Variants in STOX2 observed in about 807,000 individuals in gnomAD.
STOX2 encodes the protein storkhead box 2.
In STOX2, 28 loss-of-function variants were observed where a neutral mutation model predicts 60.9. The observed-to-expected ratio is 0.46, with a 90% CI of 0.34 to 0.63. The LOEUF (loss-of-function observed/expected upper bound fraction) is 0.63. Ranked by LOEUF, STOX2 falls within the 30% of genes least tolerant of loss-of-function variation. STOX2 has a pLI of 0.01. For missense variants in STOX2, 1,024 were observed against 1,187.7 expected (o/e 0.86, Z 2.03); for synonymous variants, 472 against 463.9 (o/e 1.02, Z -0.22).
chr4:183,991,333 A>T (rs905398351), intron 1 of STOX2, among the ~76,000 whole-genome samples: 2 of 152,350 alleles, frequency 1.3e-5, no homozygotes, highest in Admixed American at 1.3e-4. Flanking sequence ...TTAGTTTTTT[A>T]AAAAGGCTTA....
At chr4:183,897,073 G>A (rs368635654) in intron 1 of STOX2, among the ~76,000 whole-genome samples, 6 of 152,118 alleles carry the variant, frequency 3.9e-5, no homozygotes, top group African/African-American at 9.7e-5. Context: ...TACCCACTGC[G>A]GTTTCCCTGG....
At chr4:183,870,204 A>G (rs1740657122) in intron 1 of STOX2, among the ~76,000 whole-genome samples, 2 of 152,230 alleles carry the variant, frequency 1.3e-5, no homozygotes, top group Non-Finnish European at 1.5e-5. Flanking sequence ...TACCAGAGCC[A>G]TAGTATGATT....
intron 1 of STOX2, among the ~76,000 whole-genome samples, chr4:183,880,561 A>C (rs1161301054): frequency 6.6e-6 from 1 of 152,238 alleles, no homozygotes; most frequent in Non-Finnish European, 1.5e-5. Flanking sequence ...TTTCATCTAC[A>C]TTCAACATGT....
chr4:183,868,247 C>A (rs1406835109), intron 1 of STOX2, among the ~76,000 whole-genome samples: 1 of 151,974 alleles, frequency 6.6e-6, no homozygotes, highest in African/African-American at 2.4e-5. Context: ...TACCAGAGAG[C>A]CATGGACAAC....
At chr4:183,973,297 A>C (rs947011842) in intron 1 of STOX2, among the ~76,000 whole-genome samples, 9 of 152,316 alleles carry the variant, frequency 5.9e-5, no homozygotes, top group Non-Finnish European at 1.3e-4. Flanking sequence ...AAAACTAAAG[A>C]GAGAAAAATA....
At chr4:183,951,229 A>AG (rs1331060862) in intron 1 of STOX2, among the ~76,000 whole-genome samples, 1 of 147,384 alleles carries the variant, frequency 6.8e-6, no homozygotes, top group East Asian at 2.0e-4. Context: ...AAAAAGAAAA[A>AG]AAAAAAAAAG....
chr4:183,908,693 G>A (rs1051338624), intron 1 of STOX2, among the ~76,000 whole-genome samples: 6 of 151,258 alleles, frequency 4.0e-5, no homozygotes, highest in South Asian at 2.1e-4. Flanking sequence ...GCTGCGAGGC[G>A]TTTTTGAGGG....
intron 1 of STOX2, among the ~76,000 whole-genome samples, chr4:183,847,695 T>G (rs998400905): frequency 2.0e-5 from 3 of 152,166 alleles, no homozygotes; most frequent in Non-Finnish European, 2.9e-5. Context: ...TCTCCCCTAC[T>G]GAAATTCAGC....
Position 184,004,724 on chromosome 4 carries a change from C to G in STOX2, c.319+3247C>G, listed in dbSNP as rs181822569. ...AACCAACTCAACAACTTTTATCTAT[C>G]AATTTCCATTACAGAATCAAGAATA... On this transcript the variant is annotated intron_variant, in intron 2 of 3. Coordinates refer to ENST00000308497, the MANE Select transcript of STOX2 (RefSeq NM_020225.3). Among the ~76,000 whole-genome samples the G allele has an allele frequency of 2.0e-5, 3 of 152,354 alleles. No homozygotes were observed. In the East Asian group the frequency reaches 5.8e-4, roughly 29 times the overall value.
rs1346502951 is a variant in STOX2 at position 183,806,254 on chromosome 4, A to C, written c.364+8199A>C. Reference sequence around the variant, plus strand: ...AAAGTGACAGCCCATCTGTCAGTGTAAAATGACTTGCTTCTGTAAGCAGGA... The same window carrying C: ...AAAGTGACAGCCCATCTGTCAGTGTCAAATGACTTGCTTCTGTAAGCAGGA... On this transcript the variant is annotated intron_variant, in intron 1 of 2. Transcript: ENST00000513034. This position sits in a 1 kb window ranked among gnomAD's most constrained non-coding sequence, Gnocchi z 4.1. Among the ~76,000 whole-genome samples the C allele has an allele frequency of 2.6e-5, 4 of 152,214 alleles. No individual in the cohort carries two copies. Among genetic ancestry groups the C allele is most frequent in the Non-Finnish European group, 5.9e-5 (4 of 68,036 alleles).
chr4:183,906,783 TC>T lies in STOX2; in HGVS notation c.-4del. The stretch of plus-strand genomic sequence containing the variant: ...CGAGGATCGGGGCGGCAGGTCGCCC[TC>T]CCCACCATGAAGAAGACCCGGAGCA... On this transcript the variant is annotated 5_prime_UTR_variant, in exon 1 of 4. Coordinates refer to ENST00000308497, the MANE Select transcript of STOX2 (RefSeq NM_020225.3). The T allele has an allele frequency of 6.6e-7, 1 of 1,521,238 alleles. No homozygotes were observed. The highest frequency in any genetic ancestry group is 8.9e-7 in the Non-Finnish European group (1 of 1,129,686). 94.2% of individuals were successfully genotyped at this position (1,521,238 alleles called of 1,614,324 possible).
chr4:183,811,794 A>G (rs960562716), intron 1 of STOX2, among the ~76,000 whole-genome samples: 17 of 152,194 alleles, frequency 1.1e-4, no homozygotes, highest in Admixed American at 1.0e-3. Flanking sequence ...TACTTTAGAT[A>G]TGTCTTTGAC....
chr4:183,814,649 C>T (rs1038657068), intron 1 of STOX2, among the ~76,000 whole-genome samples: 2 of 152,152 alleles, frequency 1.3e-5, no homozygotes, highest in African/African-American at 4.8e-5. Context: ...GCCCCGTGGC[C>T]CACCTCCTGA....
intron 2 of STOX2, among the ~76,000 whole-genome samples, chr4:184,007,539 C>T (rs1733926957): frequency 6.6e-6 from 1 of 152,216 alleles, no homozygotes; most frequent in East Asian, 1.9e-4. Context: ...TTGTTATCTA[C>T]CTTTTGATGA....
At chr4:183,875,552 G>A (rs896934107) in intron 1 of STOX2, among the ~76,000 whole-genome samples, 2 of 152,204 alleles carry the variant, frequency 1.3e-5, no homozygotes, top group African/African-American at 2.4e-5. Context: ...CTGGTGGAGC[G>A]GGCTTTGCAG....
chr4:183,954,281 T>TTTTTTGTTTTTG (rs6148836), intron 1 of STOX2, among the ~76,000 whole-genome samples: 44,329 of 150,650 alleles, frequency 0.29, 6,860 homozygotes, highest in Middle Eastern at 0.39. Context: ...GGTTTTTTTG[T>TTTTTTGTTTTTG]TTTTTGTTTT....
At chr4:183,835,298 C>A (rs978026750) in intron 1 of STOX2, among the ~76,000 whole-genome samples, 25 of 150,918 alleles carry the variant, frequency 1.7e-4, no homozygotes, top group Middle Eastern at 3.2e-3. Flanking sequence ...AATCTCAGTG[C>A]ACTGCAAGCT....
intron 1 of STOX2, among the ~76,000 whole-genome samples, chr4:183,919,546 G>C (rs1560882556): frequency 6.6e-6 from 1 of 152,170 alleles, no homozygotes; most frequent in South Asian, 2.1e-4. Flanking sequence ...TGAAATGTCA[G>C]TATGGAAAAG....
intron 1 of STOX2, among the ~76,000 whole-genome samples, chr4:183,798,219 G>C (rs1268160278): frequency 6.6e-6 from 1 of 151,510 alleles, no homozygotes; most frequent in East Asian, 1.9e-4. Context: ...CCCTCTGCGA[G>C]CGTGGGATTG....
Sources: allele counts gnomAD v4.1 joint callset (sites outside exome capture counted in the v4.1 genomes callset), GRCh38; gene constraint gnomAD v4.1.1; non-coding constraint Gnocchi (gnomAD v3.1); transcripts MANE v1.5; gene names NCBI Gene and HGNC (gene_info 2026-07-23, HGNC 2026-07-21).